The following MYO9A variants were observed in gnomAD, a reference collection of about 807,000 sequenced individuals.
MYO9A encodes the protein unconventional myosin-IXa.
Under a neutral mutation model 293.3 loss-of-function variants are expected in MYO9A, and 103 were observed. That is an observed-to-expected ratio of 0.35 (90% CI 0.30 to 0.41). The LOEUF (loss-of-function observed/expected upper bound fraction) is 0.41, where lower values mean the gene tolerates loss of function less well. Among genes scored for constraint, MYO9A ranks in the 10% least tolerant of loss-of-function variants. The pLI is 1.00. For synonymous variants in MYO9A, 1,001 were observed against 1,035.7 expected (o/e 0.97, Z 0.64); for missense variants, 2,685 against 3,033.0 (o/e 0.89, Z 2.69).
In MYO9A at chr15:72,013,583, T is replaced by C. The variant is rs2077235176; in HGVS notation, c.1156-3136A>G. Among the ~76,000 whole-genome samples the C allele has an allele frequency of 3.9e-5, 6 of 152,130 alleles. No individual in the cohort carries two copies. The South Asian group carries it at 1.2e-3, about 32-fold the overall frequency. On this transcript the variant is annotated intron_variant, in intron 6 of 41. Coordinates refer to ENST00000356056, the MANE Select transcript of MYO9A (RefSeq NM_006901.4). ...TGTACTTGATAACATGCCACTACAT[T>C]CCCCCCACAAACATACCCACCAAAT... is the stretch of plus-strand genomic sequence containing the variant.
In MYO9A at chr15:72,042,995, G is replaced by A. The variant is rs530291582; in HGVS notation, c.840+2729C>T. Among the ~76,000 whole-genome samples the A allele has an allele frequency of 7.2e-5, 11 of 152,156 alleles. No individual in the cohort carries two copies. The East Asian group carries it at 1.9e-3, about 27-fold the overall frequency. The stretch of plus-strand genomic sequence containing the variant: ...TAACGTGAGAGGATCACTCGAGCCT[G>A]GAGATCGAGGCTGCAGTGAGCTATG... On this transcript the variant is annotated intron_variant, in intron 2 of 41. Transcript: ENST00000356056.
intron 1 of MYO9A, among the ~76,000 whole-genome samples, chr15:72,056,892 C>G (rs923239420): frequency 1.3e-5 from 2 of 152,080 alleles, no homozygotes; most frequent in African/African-American, 2.4e-5. Flanking sequence ...GGCGGATCAC[C>G]TGAGGTCAGA....
At chr15:71,993,053 CT>C (rs1430007238) in intron 10 of MYO9A, among the ~76,000 whole-genome samples, 2 of 151,850 alleles carry the variant, frequency 1.3e-5, no homozygotes. Flanking sequence ...CAATAAATGC[CT>C]TCTAAAAAGG....
chr15:71,850,091 A>G lies in MYO9A; in HGVS notation c.6658T>C (p.Cys2220Arg). ...AIVFAPCILRCPDTTDPLQSV... is the reference protein window; with the variant it reads ...AIVFAPCILRRPDTTDPLQSV... ...TGTAGTGGGTCAGTGGTGTCAGGGCAGCGGAGAATGCAGGGCGCAAACACA... is the reference window on the plus strand; with the variant it reads ...TGTAGTGGGTCAGTGGTGTCAGGGCGGCGGAGAATGCAGGGCGCAAACACA... The change falls in exon 38 of 42, where the codon TGC (cysteine) becomes CGC (arginine). Residue 2220 changes from cysteine (C) to arginine (R), a missense_variant. Transcript: ENST00000356056. 1 of 1,614,140 alleles carries G rather than the reference A, an allele frequency of 6.2e-7. No homozygotes were observed.
chr15:71,945,480 A>G (rs2058889173), intron 15 of MYO9A, among the ~76,000 whole-genome samples: 1 of 152,200 alleles, frequency 6.6e-6, no homozygotes, highest in Admixed American at 6.5e-5. Context: ...GGAGAGGACT[A>G]TAAAAGCTTG....
chr15:71,991,079 G>A (rs374164534), intron 11 of MYO9A, 24 bp downstream of exon 11: 2 of 1,547,786 alleles, frequency 1.3e-6, no homozygotes, highest in Non-Finnish European at 1.7e-6. Context: ...GGGGGGACAA[G>A]TGTATACATA....
chr15:71,858,013 T>C (rs1353761618), intron 34 of MYO9A, among the ~76,000 whole-genome samples: 5 of 152,400 alleles, frequency 3.3e-5, no homozygotes, highest in East Asian at 1.9e-4. Context: ...AAAATGCTCA[T>C]CATCACTGGC....
intron 15 of MYO9A, among the ~76,000 whole-genome samples, chr15:71,947,519 C>G (rs956537836): frequency 2.0e-5 from 3 of 151,962 alleles, no homozygotes; most frequent in Non-Finnish European, 4.4e-5. Context: ...TCCAAGTTAC[C>G]CTTATGAAAT....
intron 1 of MYO9A, among the ~76,000 whole-genome samples, chr15:72,069,406 A>G (rs1476383648): frequency 6.6e-6 from 1 of 152,096 alleles, no homozygotes; most frequent in South Asian, 2.1e-4. Context: ...TTGTCTTTCC[A>G]TCTGCTATAC....
intron 17 of MYO9A, among the ~76,000 whole-genome samples, chr15:71,934,577 G>C (rs186027418): frequency 1.3e-3 from 191 of 151,338 alleles, no homozygotes; most frequent in African/African-American, 4.5e-3. Context: ...ACATGTTAAT[G>C]CTAATAACTA....
chr15:71,875,861 A>G, intron 31 of MYO9A, 23 bp from the exon 32 acceptor site: 1 of 1,304,102 alleles, frequency 7.7e-7, no homozygotes, highest in Non-Finnish European at 9.9e-7. Flanking sequence ...CAGGAGATAT[A>G]TGGAAATTGT....
At chr15:72,014,765 A>G (rs2149053280) in intron 6 of MYO9A, among the ~76,000 whole-genome samples, 1 of 148,324 alleles carries the variant, frequency 6.7e-6, no homozygotes, top group Middle Eastern at 3.6e-3. Flanking sequence ...AAAGAAAGAA[A>G]GAAAGAGAAA....
chr15:72,045,996 T>G lies in MYO9A; in HGVS notation c.568A>C (p.Lys190Gln). 6.2e-7 allele frequency: 1 copy of G among 1,614,160 alleles called. No homozygotes were observed. The highest frequency in any genetic ancestry group is 8.5e-7 in the Non-Finnish European group (1 of 1,180,022). The change falls in exon 2 of 42, where the codon AAG becomes CAG. Residue 190 changes from lysine (K) to glutamine (Q), a missense_variant. Transcript: ENST00000356056. Reference sequence around the variant, plus strand: ...TTGGGGTTATAAATAGGAAGAAACTTGAATGGGTTAATAACTATTAGAATA... The same window carrying G: ...TTGGGGTTATAAATAGGAAGAAACTGGAATGGGTTAATAACTATTAGAATA... ...GSILIVINPF[K>Q]FLPIYNPKYV... is the part of the protein sequence containing the mutation.
chr15:71,898,753 C>T lies in MYO9A; in HGVS notation c.3750G>A (p.Val1250=), dbSNP rs199811619. ...AGGATCTGGGTCTCTCTCTTACAAG[C>T]ACATCTTCCTGCAAGTCCACACCAC... The part of the protein sequence containing the change: ...SQSGVDLQED[V]LVRERPRSLE... The change falls in exon 25 of 42, where the codon GTG becomes GTA. Residue 1250 remains valine, a synonymous_variant. Coordinates refer to ENST00000356056, the MANE Select transcript of MYO9A (RefSeq NM_006901.4). 6.2e-7 allele frequency: 1 copy of T among 1,614,106 alleles called. No homozygotes were observed. Among genetic ancestry groups the T allele is most frequent in the Non-Finnish European group, 8.5e-7 (1 of 1,179,970 alleles).
intron 18 of MYO9A, among the ~76,000 whole-genome samples, chr15:71,917,321 G>A (rs1365876789): frequency 6.6e-6 from 1 of 152,154 alleles, no homozygotes; most frequent in South Asian, 2.1e-4. Context: ...CGGGTCACGA[G>A]GTCAGGAGTT....
intron 1 of MYO9A, among the ~76,000 whole-genome samples, chr15:72,112,409 A>C (rs1319708916): frequency 6.6e-6 from 1 of 152,230 alleles, no homozygotes; most frequent in Non-Finnish European, 1.5e-5. Context: ...AAAGTGCTTT[A>C]CATGTTTACT....
chr15:71,926,146 C>G (rs754864160), intron 18 of MYO9A, among the ~76,000 whole-genome samples: 1 of 152,088 alleles, frequency 6.6e-6, no homozygotes, highest in East Asian at 1.9e-4. Context: ...AGTCAACATC[C>G]GATGTTACTG....
chr15:71,906,505 C>T (rs977097255), intron 19 of MYO9A, among the ~76,000 whole-genome samples: 1 of 152,020 alleles, frequency 6.6e-6, no homozygotes, highest in Non-Finnish European at 1.5e-5. Context: ...GATGAATATA[C>T]ATGTAAGACT....
In MYO9A at chr15:71,991,139, C is replaced by T. The variant is rs1480499632; in HGVS notation, c.1686G>A (p.Gln562=). The T allele has an allele frequency of 2.5e-6, 4 of 1,607,960 alleles. No individual in the cohort carries two copies. Among genetic ancestry groups the T allele is most frequent in the Admixed American group, 1.7e-5 (1 of 58,988 alleles). Reference sequence around the variant, plus strand: ...TAAAGATATGCTGATTAAAGTAGTGCTGTAAACGTTCATTAGCAAAATTAA... The same window carrying T: ...TAAAGATATGCTGATTAAAGTAGTGTTGTAAACGTTCATTAGCAAAATTAA... ...FCINFANERL[Q]HYFNQHIFKL... The change falls in exon 11 of 42, where the codon CAG becomes CAA. Residue 562 remains glutamine, a synonymous_variant. Transcript: ENST00000356056.
Sources: allele counts gnomAD v4.1 joint callset (sites outside exome capture counted in the v4.1 genomes callset), GRCh38; gene constraint gnomAD v4.1.1; transcripts MANE v1.5; gene names NCBI Gene and HGNC (gene_info 2026-07-23, HGNC 2026-07-21).